The following CNTN6 variants were observed in gnomAD, a reference collection of about 807,000 sequenced individuals.
CNTN6 encodes contactin 6.
In CNTN6, 137 loss-of-function variants were observed where a neutral mutation model predicts 122.8. The observed-to-expected ratio is 1.12, with a 90% CI of 0.97 to 1.29. CNTN6 has a LOEUF of 1.29. Among genes scored for constraint, CNTN6 ranks in the 50% most tolerant of loss-of-function variants. The pLI is 0.00. For synonymous variants in CNTN6, 570 were observed against 426.0 expected (o/e 1.34, Z -4.16); for missense variants, 1,634 against 1,223.4 (o/e 1.34, Z -5.01).
intron 4 of CNTN6, among the ~76,000 whole-genome samples, chr3:1,257,402 A>G (rs1272678151): frequency 6.6e-6 from 1 of 152,106 alleles, no homozygotes; most frequent in Non-Finnish European, 1.5e-5. Context: ...TTTGTGGCAC[A>G]TGCAGAAACA....
At chr3:1,122,848 C>G (rs1289814697) in intron 1 of CNTN6, among the ~76,000 whole-genome samples, 1 of 151,760 alleles carries the variant, frequency 6.6e-6, no homozygotes, top group Non-Finnish European at 1.5e-5. Context: ...GTTAGTTGAG[C>G]ATTTGGGCTG....
chr3:1,135,465 T>G (rs895185795), intron 1 of CNTN6, among the ~76,000 whole-genome samples: 1 of 152,204 alleles, frequency 6.6e-6, no homozygotes, highest in Non-Finnish European at 1.5e-5. Context: ...CTGCTGTCAG[T>G]GCTCTGTGAT....
chr3:1,272,789 G>A (rs1266291590), intron 4 of CNTN6, among the ~76,000 whole-genome samples: 2 of 152,116 alleles, frequency 1.3e-5, no homozygotes, highest in African/African-American at 4.8e-5. Flanking sequence ...CTCAGGCCTT[G>A]GCAGCAAATG....
Position 1,377,274 on chromosome 3 carries a change from C to G in CNTN6, c.2166+199C>G, listed in dbSNP as rs78013061. On this transcript the variant is annotated intron_variant, in intron 17 of 22. Transcript: ENST00000446702. Reference sequence around the variant, plus strand: ...TGGTGAGACAGTATGACGAACTCAGCACAATTTTCTCCCAAATACACGAAA... The same window carrying G: ...TGGTGAGACAGTATGACGAACTCAGGACAATTTTCTCCCAAATACACGAAA... Among the ~76,000 whole-genome samples the G allele has an allele frequency of 4.0e-3, 607 of 152,230 alleles. 6 individuals carry two copies. The highest frequency in any genetic ancestry group is 0.014 in the African/African-American group (574 of 41,544).
chr3:1,154,031 G>T (rs1045866702), intron 2 of CNTN6, among the ~76,000 whole-genome samples: 2 of 152,124 alleles, frequency 1.3e-5, no homozygotes, highest in African/African-American at 2.4e-5. Flanking sequence ...TGACATCTTC[G>T]CAATTTCTAA....
chr3:1,246,998 A>G (rs2094591463), intron 4 of CNTN6, among the ~76,000 whole-genome samples: 1 of 152,086 alleles, frequency 6.6e-6, no homozygotes, highest in Non-Finnish European at 1.5e-5. Flanking sequence ...GTCTTTTGAT[A>G]AACAGAAAAA....
chr3:1,211,881 G>A (rs2094043527), intron 2 of CNTN6, among the ~76,000 whole-genome samples: 1 of 152,134 alleles, frequency 6.6e-6, no homozygotes, highest in Non-Finnish European at 1.5e-5. Context: ...GTCAGCCATG[G>A]CCCAAGGAAT....
chr3:1,260,918 G>A (rs998605585), intron 4 of CNTN6, among the ~76,000 whole-genome samples: 4 of 152,048 alleles, frequency 2.6e-5, no homozygotes, highest in Non-Finnish European at 5.9e-5. Context: ...CCAGTGTCAG[G>A]TATGTCTGTA....
chr3:1,342,300 T>C (rs2126040910), intron 11 of CNTN6, among the ~76,000 whole-genome samples: 1 of 152,190 alleles, frequency 6.6e-6, no homozygotes, highest in South Asian at 2.1e-4. Context: ...CGGCTAATTT[T>C]TGTATTTTTA....
At chr3:1,119,322 C>CGTGTGTGTGTGTGTGTGTGT (rs369235352) in intron 1 of CNTN6, among the ~76,000 whole-genome samples, 27,166 of 126,214 alleles carry the variant, frequency 0.22, 3,676 homozygotes, top group East Asian at 0.3. Flanking sequence ...ACAGAAAAAT[C>CGTGTGTGTGTGTGTGTGTGT]GTGTGTGTGT....
intron 2 of CNTN6, chr3:1,173,270 C>G: frequency 2.2e-6 from 1 of 456,694 alleles, no homozygotes; most frequent in Non-Finnish European, 4.4e-6. Context: ...ATTTGGAAAT[C>G]TACCTCTTAT....
At chr3:1,140,058 A>C (rs2092573174) in intron 1 of CNTN6, among the ~76,000 whole-genome samples, 1 of 152,226 alleles carries the variant, frequency 6.6e-6, no homozygotes, top group Non-Finnish European at 1.5e-5. Flanking sequence ...CTTCTGAGAA[A>C]GTATTACAAC....
At chr3:1,205,342 G>C (rs2093944082) in intron 2 of CNTN6, among the ~76,000 whole-genome samples, 1 of 152,118 alleles carries the variant, frequency 6.6e-6, no homozygotes, top group South Asian at 2.1e-4. Flanking sequence ...GAGGTAATTT[G>C]TTACGGCAAC....
chr3:1,232,654 G>A (rs114284692), intron 4 of CNTN6, among the ~76,000 whole-genome samples: 2,442 of 152,296 alleles, frequency 0.016, 55 homozygotes, highest in African/African-American at 0.054. Context: ...CACACCGTAT[G>A]TGGGAGAGTC....
rs1276275092 is a variant in CNTN6 at position 1,124,755 on chromosome 3, C to G, written c.-82-23172C>G. Among the ~76,000 whole-genome samples, 6 of 152,044 alleles carry G rather than the reference C, an allele frequency of 3.9e-5. No homozygotes were observed. In the East Asian group the frequency reaches 1.2e-3, roughly 29 times the overall value. ...TCCCCAACATCATCACCTGGTTTTA[C>G]TTATTATGATTCAATTTTCGGCCAC... On this transcript the variant is annotated intron_variant, in intron 1 of 22. Transcript: ENST00000446702.
intron 12 of CNTN6, among the ~76,000 whole-genome samples, chr3:1,363,829 C>G (rs950050570): frequency 4.6e-5 from 7 of 151,810 alleles, no homozygotes; most frequent in African/African-American, 1.7e-4. Flanking sequence ...TTTAGGGAAC[C>G]CTCCATACTG....
intron 3 of CNTN6, among the ~76,000 whole-genome samples, chr3:1,221,938 T>TA (rs1172074002): frequency 6.6e-6 from 1 of 152,182 alleles, no homozygotes; most frequent in African/African-American, 2.4e-5. Flanking sequence ...TATTTTGCAG[T>TA]AAAAATACAC....
chr3:1,183,481 A>G (rs902384824), intron 2 of CNTN6, among the ~76,000 whole-genome samples: 2 of 151,954 alleles, frequency 1.3e-5, no homozygotes, highest in Non-Finnish European at 2.9e-5. Flanking sequence ...GTACCAAAGT[A>G]TTTCACAAAG....
chr3:1,132,118 A>G (rs1029267037), intron 1 of CNTN6, among the ~76,000 whole-genome samples: 2 of 152,092 alleles, frequency 1.3e-5, no homozygotes, highest in African/African-American at 4.8e-5. Flanking sequence ...ATGTTCTGGG[A>G]ATCGACAAGC....
Sources: allele counts gnomAD v4.1 joint callset (sites outside exome capture counted in the v4.1 genomes callset), GRCh38; gene constraint gnomAD v4.1.1; transcripts MANE v1.5; gene names NCBI Gene and HGNC (gene_info 2026-07-23, HGNC 2026-07-21).